Variants in RNF146 observed in about 807,000 individuals in gnomAD.
RNF146 encodes the protein ring finger protein 146, also known as E3 ubiquitin-protein ligase RNF146.
A neutral mutation model predicts 29.7 loss-of-function variants in RNF146; 11 were observed. That is an observed-to-expected ratio of 0.37 (90% CI 0.23 to 0.61). The LOEUF (loss-of-function observed/expected upper bound fraction) is 0.61, where lower values mean the gene tolerates loss of function less well. Among genes scored for constraint, RNF146 ranks in the 20% least tolerant of loss-of-function variants. RNF146 has a pLI of 0.66. For synonymous variants in RNF146, 150 were observed against 159.7 expected, an observed-to-expected ratio of 0.94 and a Z score of 0.46; for missense variants, 342 against 438.9, an observed-to-expected ratio of 0.78 and a Z score of 1.97.
rs1224840132 is a variant in RNF146 at position 127,287,500 on chromosome 6, G to A, written c.887G>A (p.Ser296Asn). 1 of 1,613,250 alleles carries A rather than the reference G, an allele frequency of 6.2e-7. No individual in the cohort carries two copies. The highest frequency in any genetic ancestry group is 8.5e-7 in the Non-Finnish European group (1 of 1,179,604). The stretch of plus-strand genomic sequence containing the variant: ...ACTGAATCAGATGCCAGTAGTGATA[G>A]TGAGGATGTATCTGCAGTTGTTGCA... ...EETESDASSD[S>N]EDVSAVVAQH... The change falls in exon 3 of 3, where the codon AGT (serine) becomes AAT (asparagine). Residue 296 changes from serine to asparagine, a missense_variant. Physicochemically the swap from Ser to Asn is conservative, Grantham distance 46 (BLOSUM62 1). This residue lies in a region of RNF146 where 196 missense variants were observed against 208.9 expected (regional missense o/e 0.94). Transcript: ENST00000368314.
intron 1 of RNF146, among the ~76,000 whole-genome samples, chr6:127,278,352 A>G (rs1006560043): frequency 2.0e-5 from 3 of 151,990 alleles, no homozygotes; most frequent in Non-Finnish European, 4.4e-5. Flanking sequence ...TGTACCCATT[A>G]GGCAATAACT....
At chr6:127,277,582 TCCCAAAACTG>T (rs1778389640) in intron 1 of RNF146, among the ~76,000 whole-genome samples, 1 of 151,904 alleles carries the variant, frequency 6.6e-6, no homozygotes, top group Non-Finnish European at 1.5e-5. Flanking sequence ...CTAGTCCGAG[TCCCAAAACTG>T]AAGAACTTGG....
Position 127,274,142 on chromosome 6 carries a change from T to G in RNF146, c.-108-6089T>G, listed in dbSNP as rs541178609. Among the ~76,000 whole-genome samples the G allele has an allele frequency of 9.7e-4, 147 of 152,288 alleles. 1 individual carries two copies. Among genetic ancestry groups the G allele is most frequent in the African/African-American group, 3.4e-3 (140 of 41,578 alleles). On this transcript the variant is annotated intron_variant, in intron 1 of 2. Transcript: ENST00000368314. ...TAGTCTTCAAATAAGGAAAGCAGAA[T>G]GAGAGAATGCATCTCCTTGAATTAA... is the stretch of plus-strand genomic sequence containing the variant.
At chr6:127,277,619 G>A (rs1280773918) in intron 1 of RNF146, among the ~76,000 whole-genome samples, 1 of 152,058 alleles carries the variant, frequency 6.6e-6, no homozygotes, top group Non-Finnish European at 1.5e-5. Context: ...ATGTTCGAGG[G>A]CAGGAAGCAT....
rs1205785170 is a variant in RNF146, at chr6:127,271,345, G to A, written c.-109+4420G>A. Among the ~76,000 whole-genome samples, 5 of 152,294 alleles carry A rather than the reference G, an allele frequency of 3.3e-5. No individual in the cohort carries two copies. In the East Asian group the frequency reaches 9.7e-4, roughly 29 times the overall value. ...TCCTCACATTGTTCAAGGGTCAACT[G>A]TATAAATTCTGAGAGTTAATAGGTG... On this transcript the variant is annotated intron_variant, in intron 1 of 2. Coordinates refer to ENST00000368314, the MANE Select transcript of RNF146 (RefSeq NM_001242850.2).
At chr6:127,282,727 C>T (rs1008483108) in intron 2 of RNF146, among the ~76,000 whole-genome samples, 13 of 151,694 alleles carry the variant, frequency 8.6e-5, no homozygotes, top group Non-Finnish European at 1.8e-4. Flanking sequence ...TTCCTCCAAC[C>T]TGCTGTTCAA....
At chr6:127,277,789 G>A (rs1418797584) in intron 1 of RNF146, among the ~76,000 whole-genome samples, 1 of 151,942 alleles carries the variant, frequency 6.6e-6, no homozygotes, top group Non-Finnish European at 1.5e-5. Context: ...TTAATCTCTT[G>A]GCAACACCCT....
chr6:127,274,382 A>G lies in RNF146; in HGVS notation c.-108-5849A>G, dbSNP rs1022901699. 2.0e-5 allele frequency among the ~76,000 whole-genome samples: 3 copies of G among 152,294 alleles called. No homozygotes were observed. In the East Asian group the frequency reaches 5.8e-4, roughly 29 times the overall value. On this transcript the variant is annotated intron_variant, in intron 1 of 2. Coordinates refer to ENST00000368314, the MANE Select transcript of RNF146 (RefSeq NM_001242850.2). ...TTAACTTAGATTCCTTTAAGAATCAACTTTTGTTTCAGAGATAAAATATTT... is the reference window on the plus strand; with the variant it reads ...TTAACTTAGATTCCTTTAAGAATCAGCTTTTGTTTCAGAGATAAAATATTT...
intron 1 of RNF146, among the ~76,000 whole-genome samples, chr6:127,279,434 G>A (rs538054148): frequency 1.1e-4 from 16 of 151,906 alleles, no homozygotes; most frequent in African/African-American, 3.6e-4. Context: ...GGCTATTGAT[G>A]TATGAGTTTA....
intron 1 of RNF146, chr6:127,267,161 G>T (rs1268602682): frequency 5.9e-5 from 9 of 152,450 alleles, no homozygotes; most frequent in Admixed American, 5.9e-4. Flanking sequence ...GGATGGGACA[G>T]TTCAGCCCTT....
In RNF146 at chr6:127,268,352, G is replaced by A. The variant is rs79059495; in HGVS notation, c.-109+1427G>A. On this transcript the variant is annotated intron_variant, in intron 1 of 2. Transcript: ENST00000368314. ...ACTTTTCAAAGACATGGCACGTAAG[G>A]ACACGTGGAGAAAATGTCCCACACA... Among the ~76,000 whole-genome samples, 301 of 152,304 alleles carry A rather than the reference G, an allele frequency of 2.0e-3. 2 individuals carry two copies. The highest frequency in any genetic ancestry group is 6.8e-3 in the Middle Eastern group (2 of 294).
intron 2 of RNF146, among the ~76,000 whole-genome samples, chr6:127,282,750 C>T (rs1005980829): frequency 1.3e-5 from 2 of 151,688 alleles, no homozygotes; most frequent in Non-Finnish European, 3.0e-5. Flanking sequence ...GGTCTGGAAG[C>T]TACTAAACTG....
intron 2 of RNF146, 59 bp downstream of exon 2, chr6:127,280,399 C>A: frequency 6.6e-7 from 1 of 1,526,226 alleles, no homozygotes; most frequent in Non-Finnish European, 8.9e-7. Flanking sequence ...ATTGGTTTAA[C>A]GTGTGGTAAA....
intron 2 of RNF146, among the ~76,000 whole-genome samples, chr6:127,282,002 A>T (rs1043836738): frequency 9.9e-5 from 15 of 151,732 alleles, no homozygotes; most frequent in African/African-American, 3.6e-4. Context: ...GTTTTATGAT[A>T]GTCTCTGGGG....
rs758964892 is a variant in RNF146 at position 127,286,586 on chromosome 6, G to A, written c.3-30G>A. ...TAAGATATTGCAAGAATTAAAACAT[G>A]ACTTTAATATTATATGTATTTTTTC... is the stretch of plus-strand genomic sequence containing the variant. On this transcript the variant is annotated intron_variant, in intron 2 of 2. Transcript: ENST00000368314. The surrounding 1 kb of genome is among the most constrained non-coding windows in gnomAD (Gnocchi z 4.6). 5.2e-6 allele frequency: 8 copies of A among 1,545,100 alleles called. No homozygotes were observed. In the East Asian group the frequency reaches 1.6e-4, roughly 31 times the overall value.
In RNF146 at chr6:127,286,061, T is replaced by C. The variant is rs1300401155; in HGVS notation, c.3-555T>C. On this transcript the variant is annotated intron_variant, in intron 2 of 2. Transcript: ENST00000368314. This position sits in a 1 kb window ranked among gnomAD's most constrained non-coding sequence, Gnocchi z 4.6. ...TTCTTCCTCTTCAGGGGATCTTCAA[T>C]ATTCATGTTATTTTCTCCTTTGGTC... 1.6e-6 allele frequency: 2 copies of C among 1,228,894 alleles called. No homozygotes were observed. The highest frequency in any genetic ancestry group is 8.5e-5 in the Admixed American group (2 of 23,624). 76.1% of individuals were successfully genotyped at this position (1,228,894 alleles called of 1,614,324 possible).
Position 127,268,498 on chromosome 6 carries a change from A to G in RNF146, c.-109+1573A>G, listed in dbSNP as rs1407511229. Among the ~76,000 whole-genome samples the G allele has an allele frequency of 2.0e-5, 3 of 152,212 alleles. No homozygotes were observed. The East Asian group carries it at 5.8e-4, about 29-fold the overall frequency. On this transcript the variant is annotated intron_variant, in intron 1 of 2. Coordinates refer to ENST00000368314, the MANE Select transcript of RNF146 (RefSeq NM_001242850.2). ...GTCAACTAAATCTCGTTTTAAAGAG[A>G]AAACCGGAAGAGTGAACACCACTCT...
At chr6:127,278,903 A>G (rs1778588176) in intron 1 of RNF146, among the ~76,000 whole-genome samples, 1 of 151,900 alleles carries the variant, frequency 6.6e-6, no homozygotes, top group Admixed American at 6.6e-5. Flanking sequence ...AATGTTAAGG[A>G]TCTTTTTGTG....
intron 1 of RNF146, among the ~76,000 whole-genome samples, chr6:127,274,028 T>A (rs1777855875): frequency 6.6e-6 from 1 of 152,140 alleles, no homozygotes; most frequent in South Asian, 2.1e-4. Flanking sequence ...AATAGTTCTC[T>A]GCTCCTGGGT....
Sources: allele counts gnomAD v4.1 joint callset (sites outside exome capture counted in the v4.1 genomes callset), GRCh38; gene constraint gnomAD v4.1.1; regional missense constraint gnomAD v4.1.1; non-coding constraint Gnocchi (gnomAD v3.1); transcripts MANE v1.5; gene names NCBI Gene and HGNC (gene_info 2026-07-23, HGNC 2026-07-21).